Variants in RORA observed in about 807,000 individuals in gnomAD.
RORA encodes nuclear receptor ROR-alpha.
In RORA, 7 loss-of-function variants were observed where a neutral mutation model predicts 69.5. That is an observed-to-expected ratio of 0.10 (90% CI 0.06 to 0.19). RORA has a LOEUF of 0.19. Among genes scored for constraint, RORA ranks in the 10% least tolerant of loss-of-function variants. The pLI is 1.00. For synonymous variants in RORA, 261 were observed against 240.8 expected (o/e 1.08, Z -0.78); for missense variants, 457 against 663.0 (o/e 0.69, Z 3.41).
intron 2 of RORA, among the ~76,000 whole-genome samples, chr15:60,556,549 C>T (rs547892599): frequency 6.6e-6 from 1 of 152,244 alleles, no homozygotes; most frequent in East Asian, 1.9e-4. Flanking sequence ...TTCTGAGTGT[C>T]CAGGCTATTT....
intron 1 of RORA, among the ~76,000 whole-genome samples, chr15:61,052,888 T>G (rs1020400905): frequency 1.3e-5 from 2 of 152,232 alleles, no homozygotes; most frequent in Non-Finnish European, 2.9e-5. Context: ...TGTACCTCGC[T>G]GACCTAGCTG....
At chr15:61,136,560 C>T (rs2079241979) in intron 1 of RORA, among the ~76,000 whole-genome samples, 1 of 152,008 alleles carries the variant, frequency 6.6e-6, no homozygotes, top group Admixed American at 6.5e-5. Context: ...AACACATGAG[C>T]ACATGTTACC....
At chr15:60,575,306 A>C (rs762159900) in intron 2 of RORA, among the ~76,000 whole-genome samples, 10 of 152,226 alleles carry the variant, frequency 6.6e-5, no homozygotes, top group Non-Finnish European at 1.5e-4. Flanking sequence ...GCAAGAAAAC[A>C]ATCCTGTAAA....
chr15:61,082,557 C>T (rs948490381), intron 1 of RORA, among the ~76,000 whole-genome samples: 1 of 152,140 alleles, frequency 6.6e-6, no homozygotes, highest in Non-Finnish European at 1.5e-5. Context: ...CCTGCCCCTA[C>T]AGAGGAGTGA....
intron 1 of RORA, among the ~76,000 whole-genome samples, chr15:61,006,313 TACAG>T: frequency 6.6e-6 from 1 of 152,274 alleles, no homozygotes; most frequent in South Asian, 2.1e-4. Context: ...TCATGATTTC[TACAG>T]TGACCATGTA....
intron 2 of RORA, chr15:60,545,151 T>C (rs769864579): frequency 2.0e-5 from 3 of 152,080 alleles, no homozygotes; most frequent in African/African-American, 4.8e-5. Context: ...TTCCAAGAAA[T>C]TGAGTTAAAA....
At chr15:60,754,333 G>A (rs1446615224) in intron 1 of RORA, among the ~76,000 whole-genome samples, 2 of 152,112 alleles carry the variant, frequency 1.3e-5, no homozygotes, top group African/African-American at 2.4e-5. Flanking sequence ...TTAGAAGACT[G>A]CTCTTAACAC....
chr15:61,183,244 T>A (rs1387919022), intron 1 of RORA, among the ~76,000 whole-genome samples: 2 of 152,162 alleles, frequency 1.3e-5, no homozygotes, highest in African/African-American at 2.4e-5. Flanking sequence ...TTCAATTTTT[T>A]AAAAAATGTG....
chr15:61,150,449 G>A (rs1188296933), intron 1 of RORA, among the ~76,000 whole-genome samples: 1 of 152,136 alleles, frequency 6.6e-6, no homozygotes, highest in Non-Finnish European at 1.5e-5. Context: ...TAATGACCTT[G>A]TTCAGCCCTC....
chr15:61,030,730 T>C (rs148870758), intron 1 of RORA, among the ~76,000 whole-genome samples: 10 of 152,142 alleles, frequency 6.6e-5, no homozygotes, highest in East Asian at 1.9e-4. Flanking sequence ...CTGAAAAAAA[T>C]GTAGCATCTA....
intron 1 of RORA, among the ~76,000 whole-genome samples, chr15:61,199,478 G>T (rs987014415): frequency 1.3e-5 from 2 of 152,022 alleles, no homozygotes; most frequent in African/African-American, 4.8e-5. Context: ...GCCCAAGCAG[G>T]GAAAGAAAGA....
intron 1 of RORA, among the ~76,000 whole-genome samples, chr15:61,004,510 G>A (rs779015789): frequency 6.6e-6 from 1 of 152,090 alleles, no homozygotes; most frequent in East Asian, 1.9e-4. Flanking sequence ...GGTCCCCGGA[G>A]CTAAGAAGTA....
chr15:61,170,833 T>G (rs1422271236), intron 1 of RORA, among the ~76,000 whole-genome samples: 3 of 152,156 alleles, frequency 2.0e-5, no homozygotes, highest in African/African-American at 4.8e-5. Flanking sequence ...GAAGCGTAAT[T>G]GGGGCTGGAT....
At chr15:61,076,010 T>C (rs1021428307) in intron 1 of RORA, among the ~76,000 whole-genome samples, 1 of 152,190 alleles carries the variant, frequency 6.6e-6, no homozygotes, top group Non-Finnish European at 1.5e-5. Flanking sequence ...AAGCCAGCCT[T>C]CACTTCCTCA....
rs565946487 is a variant in RORA, at chr15:60,491,513, G to A, written c.*5942C>T. 6.6e-6 allele frequency: 1 copy of A among 151,888 alleles called. No homozygotes were observed. Among genetic ancestry groups the A allele is most frequent in the African/African-American group, 2.4e-5 (1 of 41,406 alleles). The allele number at this position is 151,888 out of a possible 1,614,324, so 9.4% of individuals were successfully genotyped here. ...ATGTTATGTTGCATCACTGACAAAA[G>A]GTTGTTTCTATTTGGATTGAATATT... On this transcript the variant is annotated 3_prime_UTR_variant, in exon 11 of 11. Transcript: ENST00000335670.
chr15:60,609,180 C>T (rs576883732), intron 2 of RORA, among the ~76,000 whole-genome samples: 61 of 152,316 alleles, frequency 4.0e-4, no homozygotes, highest in Non-Finnish European at 6.9e-4. Context: ...AAGTCTAAAA[C>T]TGACCTCCTT....
intron 1 of RORA, among the ~76,000 whole-genome samples, chr15:61,190,464 A>C (rs1468857803): frequency 2.0e-5 from 3 of 152,226 alleles, no homozygotes; most frequent in African/African-American, 7.2e-5. Flanking sequence ...TTACATAAAG[A>C]GTTCAAAGGA....
intron 1 of RORA, among the ~76,000 whole-genome samples, chr15:61,013,885 G>A (rs185730303): frequency 1.4e-5 from 2 of 143,264 alleles, no homozygotes; most frequent in African/African-American, 2.6e-5. Flanking sequence ...CCGGGTTCAC[G>A]CCATTATCCT....
chr15:60,679,446 T>G (rs906549570), intron 1 of RORA, among the ~76,000 whole-genome samples: 3 of 152,190 alleles, frequency 2.0e-5, no homozygotes, highest in Non-Finnish European at 4.4e-5. Context: ...AATGTATGCT[T>G]TGATGCAAAC....
Sources: allele counts gnomAD v4.1 joint callset (sites outside exome capture counted in the v4.1 genomes callset), GRCh38; gene constraint gnomAD v4.1.1; transcripts MANE v1.5; gene names NCBI Gene and HGNC (gene_info 2026-07-23, HGNC 2026-07-21).